The following BARX2 variants were observed in gnomAD, a reference collection of about 807,000 sequenced individuals.
The protein encoded by BARX2 is BARX homeobox 2.
Under a neutral mutation model 25.5 loss-of-function variants are expected in BARX2, and 11 were observed. The observed-to-expected ratio is 0.43, with a 90% CI of 0.27 to 0.71. BARX2 has a LOEUF of 0.71. BARX2 is among the 30% of genes least tolerant of loss of function. The pLI, the probability that BARX2 is intolerant of heterozygous loss-of-function variation, is 0.19. For synonymous variants in BARX2, 137 were observed against 149.5 expected, an observed-to-expected ratio of 0.92 and a Z score of 0.61; for missense variants, 360 against 359.9, an observed-to-expected ratio of 1.00 and a Z score of 0.00.
chr11:129,376,369 G>A lies in BARX2; in HGVS notation c.187+147G>A. 1.2e-6 allele frequency: 1 copy of A among 837,522 alleles called. No homozygotes were observed. The highest frequency in any genetic ancestry group is 2.9e-5 in the East Asian group (1 of 34,416). 51.9% of individuals were successfully genotyped at this position (837,522 alleles called of 1,614,324 possible). Reference sequence around the variant, plus strand: ...TCAGCAAGCGGTGGGCATTGCAAAGGCATCTGCGACGTGGCCGGGAAGGAC... The same window carrying A: ...TCAGCAAGCGGTGGGCATTGCAAAGACATCTGCGACGTGGCCGGGAAGGAC... On this transcript the variant is annotated intron_variant, in intron 1 of 3. Coordinates refer to ENST00000281437, the MANE Select transcript of BARX2 (RefSeq NM_003658.5). The surrounding 1 kb of genome is among the most constrained non-coding windows in gnomAD (Gnocchi z 4.2).
In BARX2 at chr11:129,436,732, C is replaced by T; in HGVS notation, c.188-19C>T. 1 of 1,544,692 alleles carries T rather than the reference C, an allele frequency of 6.5e-7. No homozygotes were observed. The highest frequency in any genetic ancestry group is 8.8e-7 in the Non-Finnish European group (1 of 1,140,840). On this transcript the variant is annotated intron_variant, in intron 1 of 3. Coordinates refer to ENST00000281437, the MANE Select transcript of BARX2 (RefSeq NM_003658.5). The surrounding 1 kb of genome is among the most constrained non-coding windows in gnomAD (Gnocchi z 4.5). ...CACACCGTTCCCTGTGGTGACCTGC[C>T]TCCCTGCTTGTTTTCCAGGCTCCCC...
intron 1 of BARX2, among the ~76,000 whole-genome samples, chr11:129,397,236 G>T (rs183270023): frequency 1.3e-5 from 2 of 150,996 alleles, no homozygotes; most frequent in Non-Finnish European, 2.9e-5. Context: ...GTGAGCTGTG[G>T]TCATGCCATT....
In BARX2 at chr11:129,437,901, C is replaced by G. The variant is rs549519175; in HGVS notation, c.488+850C>G. On this transcript the variant is annotated intron_variant, in intron 2 of 3. Coordinates refer to ENST00000281437, the MANE Select transcript of BARX2 (RefSeq NM_003658.5). ...ATGAGCCAGGTGTGATGGCATGCAC[C>G]TGTAGTCCCAGCCACTCAAGAGGCT... is the stretch of plus-strand genomic sequence containing the variant. 5.9e-5 allele frequency: 9 copies of G among 152,258 alleles called. No homozygotes were observed. The South Asian group carries it at 1.2e-3, about 21-fold the overall frequency. 9.4% of individuals were successfully genotyped at this position (152,258 alleles called of 1,614,324 possible). A position where few individuals can be genotyped will look rare whatever the true frequency, so the allele number is the denominator to read the frequency against.
chr11:129,413,834 C>A (rs1277455037), intron 1 of BARX2, among the ~76,000 whole-genome samples: 1 of 152,084 alleles, frequency 6.6e-6, no homozygotes, highest in East Asian at 1.9e-4. Flanking sequence ...GAGGCCGAGG[C>A]AGGCGGATCA....
At chr11:129,402,025 T>C (rs1238225839) in intron 1 of BARX2, among the ~76,000 whole-genome samples, 2 of 151,632 alleles carry the variant, frequency 1.3e-5, no homozygotes, top group Non-Finnish European at 2.9e-5. Flanking sequence ...GTGGTTTTTT[T>C]TTTTTTCAGA....
Position 129,436,990 on chromosome 11 carries a change from C to A in BARX2, c.427C>A (p.Leu143Met), listed in dbSNP as rs749217439. 1.2e-5 allele frequency: 20 copies of A among 1,607,592 alleles called. No homozygotes were observed. In the Admixed American group the frequency reaches 2.0e-4, roughly 16 times the overall value. Residue 143 changes from leucine to methionine, a missense_variant, in exon 2 of 4, where the codon CTG becomes ATG. Physicochemically the swap from Leu to Met is conservative, Grantham distance 15. Around this residue, in one of 3 missense-constraint regions of BARX2, gnomAD observed 240 missense variants for 228.7 expected, o/e 1.05. Coordinates refer to ENST00000281437, the MANE Select transcript of BARX2 (RefSeq NM_003658.5). The surrounding 1 kb of genome is among the most constrained non-coding windows in gnomAD (Gnocchi z 4.5). Reference sequence around the variant, plus strand: ...CCGGAGTCGCACCATCTTCACCGAGCTGCAGCTCATGGGCCTGGAGAAGAA... The same window carrying A: ...CCGGAGTCGCACCATCTTCACCGAGATGCAGCTCATGGGCCTGGAGAAGAA... ...PRRSRTIFTELQLMGLEKKFQ... is the reference protein window; with the variant it reads ...PRRSRTIFTEMQLMGLEKKFQ...
intron 1 of BARX2, among the ~76,000 whole-genome samples, chr11:129,417,629 G>A (rs879777485): frequency 6.6e-6 from 1 of 152,202 alleles, no homozygotes; most frequent in African/African-American, 2.4e-5. Context: ...CTGTTGGAGG[G>A]GTGTAGGTCT....
intron 2 of BARX2, chr11:129,438,242 A>G (rs1368010451): frequency 2.7e-5 from 4 of 150,832 alleles, no homozygotes; most frequent in Middle Eastern, 3.4e-3. Context: ...GAATTGCTTG[A>G]ACCCAGGAGG....
intron 3 of BARX2, among the ~76,000 whole-genome samples, chr11:129,444,489 T>C (rs1020213981): frequency 1.3e-5 from 2 of 152,192 alleles, no homozygotes; most frequent in Non-Finnish European, 2.9e-5. Flanking sequence ...AAATATATAT[T>C]TTGTGTCTCT....
rs1862402350 is a variant in BARX2, at chr11:129,451,588, C to A, written c.*186C>A. 9.7e-6 allele frequency: 7 copies of A among 720,080 alleles called. No homozygotes were observed. Among genetic ancestry groups the A allele is most frequent in the Non-Finnish European group, 1.6e-5 (7 of 451,210 alleles). 44.6% of individuals were successfully genotyped at this position (720,080 alleles called of 1,614,324 possible). A position where few individuals can be genotyped will look rare whatever the true frequency, so the allele number is the denominator to read the frequency against. Reference sequence around the variant, plus strand: ...AAGCATTTGACAAAGACTTGCTTGTCTTGGGCCTGTCACCTCCTGAAAGGC... The same window carrying A: ...AAGCATTTGACAAAGACTTGCTTGTATTGGGCCTGTCACCTCCTGAAAGGC... On this transcript the variant is annotated 3_prime_UTR_variant, in exon 4 of 4. Transcript: ENST00000281437.
chr11:129,451,535 C>G lies in BARX2; in HGVS notation c.*133C>G, dbSNP rs561390631. The G allele has an allele frequency of 3.6e-4, 369 of 1,022,036 alleles. 4 individuals are homozygous for G. The African/African-American group carries it at 5.5e-3, about 15-fold the overall frequency. The allele number at this position is 1,022,036 out of a possible 1,614,324, so 63.3% of individuals were successfully genotyped here. Reference sequence around the variant, plus strand: ...AGAGATCTACCCGTCTCCCTCCCTCCCACAGTTACCATTGGCCTTGTCATC... The same window carrying G: ...AGAGATCTACCCGTCTCCCTCCCTCGCACAGTTACCATTGGCCTTGTCATC... On this transcript the variant is annotated 3_prime_UTR_variant, in exon 4 of 4. Transcript: ENST00000281437.
intron 1 of BARX2, among the ~76,000 whole-genome samples, chr11:129,398,523 A>G (rs1434814881): frequency 6.6e-6 from 1 of 152,256 alleles, no homozygotes; most frequent in Non-Finnish European, 1.5e-5. Context: ...AAATTTGCCT[A>G]TTCCAAGCAC....
At chr11:129,426,529 C>T (rs926494560) in intron 1 of BARX2, among the ~76,000 whole-genome samples, 3 of 152,064 alleles carry the variant, frequency 2.0e-5, no homozygotes, top group Non-Finnish European at 2.9e-5. Context: ...TGCACCACCA[C>T]GCCTGGCTAA....
chr11:129,387,253 CATT>C lies in BARX2; in HGVS notation c.187+11034_187+11036del, dbSNP rs779227939. Among the ~76,000 whole-genome samples the C allele has an allele frequency of 3.9e-5, 6 of 152,242 alleles. No individual in the cohort carries two copies. In the East Asian group the frequency reaches 1.2e-3, roughly 29 times the overall value. ...GGCTTGGGGCTGTCAATATAGGAAA[CATT>C]ATCAAGGAAGATATTCCAAAGAGCT... On this transcript the variant is annotated intron_variant, in intron 1 of 3. Transcript: ENST00000281437.
chr11:129,448,962 T>C (rs1159701550), intron 3 of BARX2, among the ~76,000 whole-genome samples: 1 of 152,214 alleles, frequency 6.6e-6, no homozygotes, highest in Non-Finnish European at 1.5e-5. Context: ...ATTCTGTTTA[T>C]ATAAAATGTC....
chr11:129,383,378 A>C (rs1305638343), intron 1 of BARX2, among the ~76,000 whole-genome samples: 1 of 152,202 alleles, frequency 6.6e-6, no homozygotes, highest in East Asian at 1.9e-4. Flanking sequence ...CTAGATAGAT[A>C]TCAGAAGGCG....
At chr11:129,391,914 A>G (rs1328033540) in intron 1 of BARX2, among the ~76,000 whole-genome samples, 6 of 152,138 alleles carry the variant, frequency 3.9e-5, no homozygotes, top group Admixed American at 3.9e-4. Flanking sequence ...TGAGATTTGG[A>G]TGACAGTTTA....
At chr11:129,445,975 A>G (rs1456779783) in intron 3 of BARX2, among the ~76,000 whole-genome samples, 2 of 152,220 alleles carry the variant, frequency 1.3e-5, no homozygotes, top group Non-Finnish European at 2.9e-5. Context: ...CTGGAAAAAG[A>G]TTAGCAGTTG....
intron 1 of BARX2, among the ~76,000 whole-genome samples, chr11:129,404,346 C>T (rs1861808134): frequency 6.6e-6 from 1 of 152,212 alleles, no homozygotes; most frequent in South Asian, 2.1e-4. Context: ...GATGGTGGGA[C>T]TCAGTATCAC....
Sources: allele counts gnomAD v4.1 joint callset (sites outside exome capture counted in the v4.1 genomes callset), GRCh38; gene constraint gnomAD v4.1.1; regional missense constraint gnomAD v4.1.1; non-coding constraint Gnocchi (gnomAD v3.1); transcripts MANE v1.5; gene names NCBI Gene and HGNC (gene_info 2026-07-23, HGNC 2026-07-21).